Variants in CP observed in about 807,000 individuals in gnomAD.
CP encodes the protein ceruloplasmin.
In CP, 64 loss-of-function variants were observed where a neutral mutation model predicts 122.4. That is an observed-to-expected ratio of 0.52 (90% CI 0.43 to 0.64). The LOEUF (loss-of-function observed/expected upper bound fraction) is 0.64. CP is among the 30% of genes least tolerant of loss of function. The pLI, the probability that CP is intolerant of heterozygous loss-of-function variation, is 0.00. For synonymous variants in CP, 440 were observed against 436.4 expected, an observed-to-expected ratio of 1.01 and a Z score of -0.10; for missense variants, 1,167 against 1,284.4, an observed-to-expected ratio of 0.91 and a Z score of 1.40.
At chr3:149,177,468 A>G (rs563034086) in intron 17 of CP, among the ~76,000 whole-genome samples, 2 of 152,314 alleles carry the variant, frequency 1.3e-5, no homozygotes, top group East Asian at 1.9e-4. Context: ...ACCAAAATCC[A>G]TGGATGCTCA....
downstream of CP, among the ~76,000 whole-genome samples, chr3:149,171,150 C>T (rs1013985921): frequency 1.3e-5 from 2 of 151,956 alleles, no homozygotes; most frequent in Admixed American, 1.3e-4. Flanking sequence ...TGGTGGTGCG[C>T]ACCTGTAGTC....
chr3:149,209,613 A>G (rs1727973638), intron 3 of CP, among the ~76,000 whole-genome samples: 1 of 152,168 alleles, frequency 6.6e-6, no homozygotes, highest in African/African-American at 2.4e-5. Context: ...CTGACCACAT[A>G]ACTATTAAAT....
chr3:149,196,642 A>C (rs1726912996), intron 9 of CP, among the ~76,000 whole-genome samples: 1 of 152,230 alleles, frequency 6.6e-6, no homozygotes, highest in South Asian at 2.1e-4. Flanking sequence ...CTTCAGTGTC[A>C]AAAAGGATAC....
chr3:149,180,722 G>A (rs34321384), intron 14 of CP, among the ~76,000 whole-genome samples: 1 of 152,108 alleles, frequency 6.6e-6, no homozygotes, highest in Non-Finnish European at 1.5e-5. Flanking sequence ...AGAATATAAA[G>A]TATTGATTCA....
At chr3:149,178,358 T>C in intron 16 of CP, 57 bp downstream of exon 16, 14 of 1,321,358 alleles carry the variant, frequency 1.1e-5, no homozygotes, top group Non-Finnish European at 1.5e-5. Flanking sequence ...AATAATTTTA[T>C]TTGAAAGAGA....
At chr3:149,186,494 A>C in intron 11 of CP, 26 bp downstream of exon 11, 5 of 1,604,132 alleles carry the variant, frequency 3.1e-6, no homozygotes, top group Non-Finnish European at 4.3e-6. Flanking sequence ...TCCATCCAAT[A>C]GAGACTTGGC....
intron 1 of CP, chr3:149,217,754 G>A (rs977782801): frequency 7.7e-5 from 14 of 182,698 alleles, no homozygotes; most frequent in South Asian, 1.0e-4. Context: ...CCTAAACAGC[G>A]GATATAATGG....
chr3:149,173,840 C>T, intron 18 of CP, 110 bp from the exon 19 acceptor site: 1 of 542,330 alleles, frequency 1.8e-6, no homozygotes, highest in Non-Finnish European at 3.3e-6. Context: ...ACTCCTGATT[C>T]ATTTATATTT....
At chr3:149,212,324 A>T (rs1295527281) in intron 2 of CP, 127 bp downstream of exon 2, 4 of 1,019,926 alleles carry the variant, frequency 3.9e-6, no homozygotes, top group Admixed American at 5.7e-5. Flanking sequence ...AAAAATAAAA[A>T]AAAAATAGTT....
In CP at chr3:149,200,011, G is replaced by A. The variant is rs565256942; in HGVS notation, c.1349-147C>T. On this transcript the variant is annotated intron_variant, in intron 7 of 18. Transcript: ENST00000264613. The stretch of plus-strand genomic sequence containing the variant: ...GGTGAATGGAAAGCTTGGTTTTTGA[G>A]AAGTCCATAATCAATCTGATATGTC... 2.0e-4 allele frequency: 162 copies of A among 797,580 alleles called. 1 individual carries two copies. The African/African-American group carries it at 2.5e-3, about 12-fold the overall frequency. The allele number at this position is 797,580 out of a possible 1,614,324, so 49.4% of individuals were successfully genotyped here. A position where few individuals can be genotyped will look rare whatever the true frequency, so the allele number is the denominator to read the frequency against.
At position 149,186,653 on chromosome 3, in the gene CP, G is replaced by T. The variant is rs376272235; in HGVS notation, c.1944C>A (p.Ser648Arg). Residue 648 changes from serine to arginine, a missense_variant, in exon 11 of 19, where the codon AGC (serine) becomes AGA (arginine). This residue lies in a region of CP where 525 missense variants were observed against 657.2 expected (regional missense o/e 0.80). Transcript: ENST00000264613. ...CATGTACATCGGCCTCATTTCCGGC[G>T]CTGAATAAGTACCACACGACCGAAT... Reference protein sequence around the residue: ...KGDSVVWYLFSAGNEADVHGI... With the variant: ...KGDSVVWYLFRAGNEADVHGI... The T allele has an allele frequency of 1.9e-6, 3 of 1,613,986 alleles. No homozygotes were observed. The highest frequency in any genetic ancestry group is 2.5e-6 in the Non-Finnish European group (3 of 1,180,010).
At chr3:149,217,771 A>AT (rs1372948232) in intron 1 of CP, 1 of 200,834 alleles carries the variant, frequency 5.0e-6, no homozygotes, top group Non-Finnish European at 1.1e-5. Context: ...ATGGAAAAAA[A>AT]GTAACTTTTT....
intron 2 of CP, among the ~76,000 whole-genome samples, chr3:149,212,185 C>T (rs1233301591): frequency 6.6e-6 from 1 of 151,930 alleles, no homozygotes; most frequent in African/African-American, 2.4e-5. Flanking sequence ...GTAGTGGGCG[C>T]CTGTAGTCCC....
At chr3:149,176,167 A>T in intron 18 of CP, 83 bp downstream of exon 18, 1 of 1,270,476 alleles carries the variant, frequency 7.9e-7, no homozygotes, top group Non-Finnish European at 1.1e-6. Flanking sequence ...GATGCATCAT[A>T]TTGGGGGAAG....
At chr3:149,175,664 A>AGAGTGTGTGTGTGTGTGT (rs1553757366) in intron 18 of CP, among the ~76,000 whole-genome samples, 1 of 145,566 alleles carries the variant, frequency 6.9e-6, no homozygotes, top group African/African-American at 2.6e-5. Flanking sequence ...CTCCATTTTA[A>AGAGTGTGTGTGTGTGTGT]GTGTGTGTGT....
In CP at chr3:149,202,165, T is replaced by C. The variant is rs1440806240; in HGVS notation, c.1285A>G (p.Thr429Ala). 1.2e-6 allele frequency: 2 copies of C among 1,614,188 alleles called. No individual in the cohort carries two copies. The highest frequency in any genetic ancestry group is 1.7e-6 in the Non-Finnish European group (2 of 1,180,024). The change falls in exon 7 of 19, where the codon ACA becomes GCA. Residue 429 changes from threonine to alanine, a missense_variant. Physicochemically the swap from Thr to Ala is moderately conservative, Grantham distance 58 (BLOSUM62 0). Around this residue, in one of 2 missense-constraint regions of CP, gnomAD observed 642 missense variants for 627.3 expected, o/e 1.02. Coordinates refer to ENST00000264613, the MANE Select transcript of CP (RefSeq NM_000096.4). ...SYKKLVYREY[T>A]DASFTNRKER... ...TTTCGATTTGTGAAGGAGGCATCTG[T>C]GTACTCACGATAAACCAGCTTTTTA...
intron 1 of CP, among the ~76,000 whole-genome samples, chr3:149,215,019 ATTTTC>A (rs1182972612): frequency 6.6e-6 from 1 of 152,116 alleles, no homozygotes; most frequent in African/African-American, 2.4e-5. Flanking sequence ...CCCAGGGTAA[ATTTTC>A]TTAAGAGTCT....
At chr3:149,216,961 C>T (rs974639114) in intron 1 of CP, among the ~76,000 whole-genome samples, 3 of 147,470 alleles carry the variant, frequency 2.0e-5, no homozygotes, top group Admixed American at 6.9e-5. Context: ...AATGTAACGG[C>T]GTGATCTCGG....
intron 4 of CP, 21 bp from the exon 5 acceptor site, chr3:149,207,638 T>C: frequency 1.2e-6 from 2 of 1,613,496 alleles, no homozygotes; most frequent in East Asian, 2.2e-5. Flanking sequence ...AGAGCAGAGT[T>C]TGTGACTAAG....
Sources: gnomAD v4.1 joint callset for allele counts (sites outside exome capture counted in the v4.1 genomes callset) on GRCh38, gnomAD v4.1.1 for gene constraint, gnomAD v4.1.1 regional missense constraint, MANE v1.5 for transcripts, NCBI Gene and HGNC (gene_info 2026-07-23, HGNC 2026-07-21) for gene names.